Variants in BTBD16 observed in about 807,000 individuals in gnomAD.
BTBD16 encodes BTB domain containing 16, also known as BTB/POZ domain-containing protein 16.
BTBD16 carries 66 observed loss-of-function variants against 67.4 expected under a neutral mutation model. The observed-to-expected ratio is 0.98, with a 90% CI of 0.80 to 1.20. The LOEUF (loss-of-function observed/expected upper bound fraction) is 1.20. BTBD16 is among the 50% of genes most tolerant of loss of function. The pLI is 0.00. For missense variants in BTBD16, 634 were observed against 616.0 expected (o/e 1.03, Z -0.31); for synonymous variants, 242 against 236.4 (o/e 1.02, Z -0.22).
intron 12 of BTBD16, 41 bp from the exon 13 acceptor site, chr10:122,332,395 G>T: frequency 6.2e-7 from 1 of 1,602,684 alleles, no homozygotes; most frequent in Non-Finnish European, 8.5e-7. Flanking sequence ...CTCGTGTCCA[G>T]AGGATCCCAC....
chr10:122,277,003 A>T, intron 3 of BTBD16, 64 bp downstream of exon 3: 1 of 1,565,282 alleles, frequency 6.4e-7, no homozygotes, highest in African/African-American at 1.3e-5. Flanking sequence ...GAGGTGCCTG[A>T]TGACCGGGCC....
chr10:122,288,355 T>C (rs1007731828), intron 5 of BTBD16, among the ~76,000 whole-genome samples: 3 of 152,096 alleles, frequency 2.0e-5, no homozygotes, highest in African/African-American at 7.2e-5. Context: ...TCAGTGAGTA[T>C]TTACTCAGTG....
chr10:122,283,996 A>T (rs2096358344), intron 4 of BTBD16, 72 bp downstream of exon 4: 1 of 1,130,868 alleles, frequency 8.8e-7, no homozygotes. Context: ...TCTTTATGGA[A>T]GGAGACCAGT....
intron 9 of BTBD16, 57 bp downstream of exon 9, chr10:122,299,191 C>A: frequency 6.3e-7 from 1 of 1,590,910 alleles, no homozygotes; most frequent in African/African-American, 1.3e-5. Flanking sequence ...AAAGTAGGGG[C>A]CAGGCTGGGG....
Position 122,275,096 on chromosome 10 carries a change from C to T in BTBD16, c.15C>T (p.Asn5=). MIMS[N]THKARLERRV... Reference sequence around the variant, plus strand: ...CACTTTCATTCATGATAATGTCGAACACGGTGAGTAGATCAGTTTCTCAAG... The same window carrying T: ...CACTTTCATTCATGATAATGTCGAATACGGTGAGTAGATCAGTTTCTCAAG... Residue 5 remains asparagine (N), a synonymous_variant, in exon 2 of 16, where the codon AAC becomes AAT. Coordinates refer to ENST00000260723, the MANE Select transcript of BTBD16 (RefSeq NM_144587.5). The T allele has an allele frequency of 1.2e-6, 2 of 1,613,790 alleles. No individual in the cohort carries two copies. The highest frequency in any genetic ancestry group is 1.1e-5 in the South Asian group (1 of 91,040).
rs552997197 is a variant in BTBD16 at position 122,288,836 on chromosome 10, A to G, written c.386-1073A>G. Among the ~76,000 whole-genome samples the G allele has an allele frequency of 5.9e-5, 9 of 152,202 alleles. No individual in the cohort carries two copies. The South Asian group carries it at 1.7e-3, about 28-fold the overall frequency. On this transcript the variant is annotated intron_variant, in intron 5 of 15. Coordinates refer to ENST00000260723, the MANE Select transcript of BTBD16 (RefSeq NM_144587.5). ...GCGGAAGCCCCACACCATCCCGAGGAGCATGCCGGTGAGGGGCTAGGTGGG... is the reference window on the plus strand; with the variant it reads ...GCGGAAGCCCCACACCATCCCGAGGGGCATGCCGGTGAGGGGCTAGGTGGG...
At chr10:122,307,760 C>A (rs951694555) in intron 10 of BTBD16, among the ~76,000 whole-genome samples, 1 of 152,144 alleles carries the variant, frequency 6.6e-6, no homozygotes, top group Non-Finnish European at 1.5e-5. Context: ...CCAAGCATGA[C>A]GAGGCGAGTT....
In BTBD16 at chr10:122,291,178, A is replaced by C. The variant is rs1439179038; in HGVS notation, c.574A>C (p.Ser192Arg). The C allele has an allele frequency of 3.7e-6, 6 of 1,612,720 alleles. No individual in the cohort carries two copies. The highest frequency in any genetic ancestry group is 5.1e-6 in the Non-Finnish European group (6 of 1,179,430). Residue 192 changes from serine (S) to arginine (R), a missense_variant, in exon 7 of 16, where the codon AGT (serine) becomes CGT (arginine). Transcript: ENST00000260723. ...VLASAHILQF[S>R]GLFQRCVDVM... Reference sequence around the variant, plus strand: ...GGCTTCCGCCCACATCCTCCAGTTCAGTGGCCTGTTTCAAAGGTAAGGAAA... The same window carrying C: ...GGCTTCCGCCCACATCCTCCAGTTCCGTGGCCTGTTTCAAAGGTAAGGAAA...
intron 10 of BTBD16, among the ~76,000 whole-genome samples, chr10:122,310,159 A>C (rs2096411235): frequency 6.6e-6 from 1 of 152,238 alleles, no homozygotes. Context: ...TGGCAACTTG[A>C]CAACATTGAG....
intron 10 of BTBD16, among the ~76,000 whole-genome samples, chr10:122,318,865 C>T (rs1354309826): frequency 6.6e-6 from 1 of 152,210 alleles, no homozygotes; most frequent in Non-Finnish European, 1.5e-5. Flanking sequence ...GGATTACAGG[C>T]GTTCATTTGC....
intron 10 of BTBD16, among the ~76,000 whole-genome samples, chr10:122,316,643 T>C (rs1213418050): frequency 1.3e-5 from 2 of 152,066 alleles, no homozygotes; most frequent in African/African-American, 2.4e-5. Flanking sequence ...TAAACATATA[T>C]GATGTAAAAG....
intron 9 of BTBD16, among the ~76,000 whole-genome samples, chr10:122,302,336 A>G (rs769363795): frequency 6.6e-6 from 1 of 152,126 alleles, no homozygotes; most frequent in Non-Finnish European, 1.5e-5. Flanking sequence ...CTGTTGGGTT[A>G]CACTGTTCTG....
At chr10:122,286,730 G>C (rs116977778) in intron 5 of BTBD16, among the ~76,000 whole-genome samples, 1,535 of 152,210 alleles carry the variant, frequency 0.01, 53 homozygotes, top group Admixed American at 0.067. Context: ...TGTTGTCTTT[G>C]CTTTTCTTTC....
intron 9 of BTBD16, among the ~76,000 whole-genome samples, chr10:122,299,679 C>T (rs1160013838): frequency 6.6e-6 from 1 of 152,068 alleles, no homozygotes; most frequent in Admixed American, 6.5e-5. Context: ...CCTTGATAGT[C>T]CTGGACGCCA....
chr10:122,275,229 C>T lies in BTBD16; in HGVS notation c.18+130C>T. 4 of 890,118 alleles carry T rather than the reference C, an allele frequency of 4.5e-6. No individual in the cohort carries two copies. The Admixed American group carries it at 5.7e-5, about 13-fold the overall frequency. 55.1% of individuals were successfully genotyped at this position (890,118 alleles called of 1,614,324 possible). A position where few individuals can be genotyped will look rare whatever the true frequency, so the allele number is the denominator to read the frequency against. On this transcript the variant is annotated intron_variant, in intron 2 of 15. Transcript: ENST00000260723. ...CCTCAAGCATTATTGGCTGACTCGG[C>T]TGGAAAGAGCGCGTCCAGGCAGCAC...
chr10:122,334,494 CTTTTTTTTTTTTTT>C (rs869262992), intron 13 of BTBD16, among the ~76,000 whole-genome samples: 130 of 43,282 alleles, frequency 3.0e-3, no homozygotes, highest in South Asian at 4.3e-3. Context: ...CGTGCCCGGC[CTTTTTTTTTTTTTT>C]TTTTTTTTTT....
At chr10:122,277,052 C>T (rs2096342259) in intron 3 of BTBD16, 113 bp downstream of exon 3, 1 of 1,256,158 alleles carries the variant, frequency 8.0e-7, no homozygotes, top group Non-Finnish European at 1.1e-6. Context: ...GGCACATCTG[C>T]AAGGAAGGCT....
chr10:122,331,292 G>C (rs1464638199), intron 12 of BTBD16, 34 bp downstream of exon 12: 2 of 1,603,076 alleles, frequency 1.2e-6, no homozygotes, highest in Non-Finnish European at 8.5e-7. Flanking sequence ...CACAGTTGTC[G>C]AAGTTTATTG....
In BTBD16 at chr10:122,320,114, A is replaced by G. The variant is rs887279068; in HGVS notation, c.912-9366A>G. On this transcript the variant is annotated intron_variant, in intron 10 of 15. Coordinates refer to ENST00000260723, the MANE Select transcript of BTBD16 (RefSeq NM_144587.5). ...GAAACTTTTTTATAGATTCCTTAGG[A>G]ATCTACATAGGCAATCATATCACCT... Among the ~76,000 whole-genome samples the G allele has an allele frequency of 5.9e-5, 9 of 152,202 alleles. 1 individual carries two copies. The highest frequency in any genetic ancestry group is 6.5e-5 in the Admixed American group (1 of 15,292).
Sources: allele counts gnomAD v4.1 joint callset (sites outside exome capture counted in the v4.1 genomes callset), GRCh38; gene constraint gnomAD v4.1.1; transcripts MANE v1.5; gene names NCBI Gene and HGNC (gene_info 2026-07-23, HGNC 2026-07-21).